Variants in RFX3 observed in about 807,000 individuals in gnomAD.
RFX3 encodes transcription factor RFX3.
In RFX3, 14 loss-of-function variants were observed where a neutral mutation model predicts 98.6. The observed-to-expected ratio is 0.14, with a 90% CI of 0.09 to 0.22. RFX3 has a LOEUF of 0.22. Ranked by LOEUF, RFX3 falls within the 10% of genes least tolerant of loss-of-function variation. The pLI is 1.00. For synonymous variants in RFX3, 383 were observed against 328.4 expected (o/e 1.17, Z -1.80); for missense variants, 639 against 926.9 (o/e 0.69, Z 4.03).
At chr9:3,227,729 G>C (rs1473470739) in intron 16 of RFX3, among the ~76,000 whole-genome samples, 1 of 152,120 alleles carries the variant, frequency 6.6e-6, no homozygotes. Flanking sequence ...CACCTTTCTT[G>C]CTCTAAAATT....
chr9:3,475,539 C>T (rs931401048), intron 1 of RFX3, among the ~76,000 whole-genome samples: 1 of 152,166 alleles, frequency 6.6e-6, no homozygotes, highest in African/African-American at 2.4e-5. Flanking sequence ...AGAGAGAGGA[C>T]AGCTTATGCT....
intron 1 of RFX3, among the ~76,000 whole-genome samples, chr9:3,430,039 T>C (rs1217352560): frequency 6.6e-6 from 1 of 152,212 alleles, no homozygotes; most frequent in Non-Finnish European, 1.5e-5. Context: ...TTATCAGTCA[T>C]AGCTGTTCAA....
At chr9:3,422,122 T>G (rs1265517359) in intron 1 of RFX3, among the ~76,000 whole-genome samples, 1 of 152,160 alleles carries the variant, frequency 6.6e-6, no homozygotes, top group Non-Finnish European at 1.5e-5. Flanking sequence ...GACAAGAGGC[T>G]GGAGAACAAA....
At chr9:3,270,933 T>TA (rs750174577) in intron 10 of RFX3, 70 bp downstream of exon 10, 418 of 1,605,762 alleles carry the variant, frequency 2.6e-4, no homozygotes, top group Non-Finnish European at 3.2e-4. Flanking sequence ...CTGGTATACA[T>TA]ATCTCTAATT....
At chr9:3,301,798 A>C (rs1027801088) in intron 4 of RFX3, among the ~76,000 whole-genome samples, 178 bp from the exon 5 acceptor site, 1 of 151,878 alleles carries the variant, frequency 6.6e-6, no homozygotes, top group African/African-American at 2.4e-5. Context: ...CAAAATAAAA[A>C]TATGCACACT....
intron 8 of RFX3, among the ~76,000 whole-genome samples, chr9:3,276,391 C>T (rs1040881830): frequency 1.9e-4 from 29 of 152,068 alleles, no homozygotes; most frequent in African/African-American, 6.8e-4. Flanking sequence ...ATTTTGGTGC[C>T]TGTCTTACCA....
At chr9:3,384,051 G>C (rs1409752998) in intron 2 of RFX3, among the ~76,000 whole-genome samples, 1 of 152,090 alleles carries the variant, frequency 6.6e-6, no homozygotes, top group Non-Finnish European at 1.5e-5. Context: ...TTTGGCTACA[G>C]AAGTATCCAG....
At chr9:3,426,774 G>A (rs912544956) in intron 1 of RFX3, among the ~76,000 whole-genome samples, 7 of 152,126 alleles carry the variant, frequency 4.6e-5, no homozygotes, top group African/African-American at 1.4e-4. Context: ...TCTAGCTGGA[G>A]GGAAACAAAC....
At chr9:3,337,947 T>A (rs1207786302) in intron 3 of RFX3, among the ~76,000 whole-genome samples, 8 of 152,202 alleles carry the variant, frequency 5.3e-5, no homozygotes, top group South Asian at 4.1e-4. Context: ...CATATATATA[T>A]GTAAAATCTG....
chr9:3,298,886 C>T (rs150812865), intron 5 of RFX3, among the ~76,000 whole-genome samples: 2 of 151,798 alleles, frequency 1.3e-5, no homozygotes, highest in East Asian at 3.9e-4. Flanking sequence ...TGAGAATAGA[C>T]TTTTCACCCA....
At chr9:3,308,423 CAG>C (rs1829579304) in intron 4 of RFX3, among the ~76,000 whole-genome samples, 1 of 152,138 alleles carries the variant, frequency 6.6e-6, no homozygotes, top group South Asian at 2.1e-4. Context: ...GCTGAAATGT[CAG>C]AGTGGCTGGT....
At chr9:3,311,202 C>T (rs1018726120) in intron 4 of RFX3, among the ~76,000 whole-genome samples, 4 of 152,116 alleles carry the variant, frequency 2.6e-5, no homozygotes, top group African/African-American at 9.7e-5. Context: ...CACTTAAAAC[C>T]AGGAATTTCT....
chr9:3,374,120 C>T (rs767617111), intron 2 of RFX3, among the ~76,000 whole-genome samples: 1 of 150,708 alleles, frequency 6.6e-6, no homozygotes, highest in Non-Finnish European at 1.5e-5. Context: ...ACACACAAAC[C>T]CCACAACTAC....
chr9:3,465,616 T>C (rs572782096), intron 1 of RFX3, among the ~76,000 whole-genome samples: 29 of 152,192 alleles, frequency 1.9e-4, no homozygotes, highest in Admixed American at 1.3e-3. Context: ...TATGTTAATC[T>C]GGATATATTA....
At chr9:3,381,653 T>C (rs1354368316) in intron 2 of RFX3, among the ~76,000 whole-genome samples, 1 of 152,118 alleles carries the variant, frequency 6.6e-6, no homozygotes, top group Admixed American at 6.6e-5. Flanking sequence ...TTTTCTTATA[T>C]ATATCTTTTC....
At chr9:3,472,699 A>G (rs1215520110) in intron 1 of RFX3, among the ~76,000 whole-genome samples, 1 of 152,198 alleles carries the variant, frequency 6.6e-6, no homozygotes, top group Non-Finnish European at 1.5e-5. Context: ...TGTAGCAACC[A>G]TTATTTTGTC....
At chr9:3,411,722 C>G (rs1587567323) in intron 1 of RFX3, among the ~76,000 whole-genome samples, 1 of 151,620 alleles carries the variant, frequency 6.6e-6, no homozygotes, top group East Asian at 1.9e-4. Context: ...AACTCTGGAC[C>G]TAAAGTGATC....
intron 2 of RFX3, among the ~76,000 whole-genome samples, chr9:3,371,121 G>T (rs1272121790): frequency 6.6e-6 from 1 of 152,132 alleles, no homozygotes; most frequent in East Asian, 1.9e-4. Context: ...AACTGCAAGG[G>T]AATATTATTA....
At chr9:3,458,934 T>C (rs1231868915) in intron 1 of RFX3, among the ~76,000 whole-genome samples, 1 of 152,160 alleles carries the variant, frequency 6.6e-6, no homozygotes, top group Non-Finnish European at 1.5e-5. Flanking sequence ...CTGCCAAGAA[T>C]AGTATTGAAA....
Sources: gnomAD v4.1 joint callset for allele counts (sites outside exome capture counted in the v4.1 genomes callset) on GRCh38, gnomAD v4.1.1 for gene constraint, MANE v1.5 for transcripts, NCBI Gene and HGNC (gene_info 2026-07-23, HGNC 2026-07-21) for gene names.